Variants in NYAP1 observed in about 807,000 individuals in gnomAD.
The protein encoded by NYAP1 is neuronal tyrosine-phosphorylated phosphoinositide-3-kinase adapter 1.
In NYAP1, 20 loss-of-function variants were observed where a neutral mutation model predicts 58.6. The observed-to-expected ratio is 0.34, with a 90% CI of 0.24 to 0.50. The LOEUF (loss-of-function observed/expected upper bound fraction) is 0.50, where lower values mean the gene tolerates loss of function less well. Among genes scored for constraint, NYAP1 ranks in the 20% least tolerant of loss-of-function variants. The pLI is 0.98. For missense variants in NYAP1, 1,150 were observed against 1,194.5 expected, an observed-to-expected ratio of 0.96 and a Z score of 0.55; for synonymous variants, 572 against 523.1, an observed-to-expected ratio of 1.09 and a Z score of -1.27.
chr7:100,489,596 G>C lies in NYAP1; in HGVS notation c.1875G>C (p.Ala625=). The C allele has an allele frequency of 6.2e-7, 1 of 1,609,848 alleles. No homozygotes were observed. The highest frequency in any genetic ancestry group is 8.5e-7 in the Non-Finnish European group (1 of 1,178,474). ...PEEEEEEVGA[A]TFGAGWALQR... Reference sequence around the variant, plus strand: ...AGGAAGAAGAGGAGGTGGGCGCCGCGACATTTGGGGCAGGCTGGGCCCTGC... The same window carrying C: ...AGGAAGAAGAGGAGGTGGGCGCCGCCACATTTGGGGCAGGCTGGGCCCTGC... Residue 625 remains alanine (A), a synonymous_variant, in exon 4 of 7, where the codon GCG becomes GCC. Transcript: ENST00000300179.
rs559367716 is a variant in NYAP1, at chr7:100,486,917, C to T, written c.165C>T (p.Ser55=). ...RVRDIASLRR[S]LRMGFMTMPA... ...GGGACATCGCCTCGCTGCGGCGCTC[C>T]CTCAGGATGGGTTTCATGACGATGC... Residue 55 remains serine, a synonymous_variant, in exon 3 of 7, where the codon TCC becomes TCT. Transcript: ENST00000300179. This position sits in a 1 kb window ranked among gnomAD's most constrained non-coding sequence, Gnocchi z 6.2. 4.8e-5 allele frequency: 77 copies of T among 1,597,614 alleles called. No individual in the cohort carries two copies. In the African/African-American group the frequency reaches 8.4e-4, roughly 17 times the overall value.
In NYAP1 at chr7:100,490,795, C is replaced by T; in HGVS notation, c.2158+66C>T. 7.2e-7 allele frequency: 1 copy of T among 1,387,692 alleles called. No individual in the cohort carries two copies. The highest frequency in any genetic ancestry group is 1.5e-5 in the South Asian group (1 of 68,284). The allele number at this position is 1,387,692 out of a possible 1,614,324, so 86.0% of individuals were successfully genotyped here. On this transcript the variant is annotated intron_variant, in intron 5 of 6. Transcript: ENST00000300179. The surrounding 1 kb of genome is among the most constrained non-coding windows in gnomAD (Gnocchi z 4.6). The stretch of plus-strand genomic sequence containing the variant: ...TGGGGGATCTCCCGGGGTCTAGCTG[C>T]ACCTGTCCTGACTTCCTCTCACCTG...
Position 100,485,390 on chromosome 7 carries a change from A to C in NYAP1, c.68+11A>C. ...GGAGGCCAAGAGGAGGTAAGGCTGC[A>C]CCCCAGACTGCTCCCTTCCCTTCCG... On this transcript the variant is annotated intron_variant, in intron 2 of 6. Coordinates refer to ENST00000300179, the MANE Select transcript of NYAP1 (RefSeq NM_173564.4). The surrounding 1 kb of genome is among the most constrained non-coding windows in gnomAD (Gnocchi z 5.7). The C allele has an allele frequency of 6.3e-6, 10 of 1,588,276 alleles. No homozygotes were observed. In the South Asian group the frequency reaches 1.1e-4, roughly 18 times the overall value.
Position 100,486,412 on chromosome 7 carries a change from A to AG in NYAP1, c.69-405dup, listed in dbSNP as rs1233785134. 6.6e-6 allele frequency among the ~76,000 whole-genome samples: 1 copy of AG among 151,956 alleles called. No individual in the cohort carries two copies. The highest frequency in any genetic ancestry group is 1.5e-5 in the Non-Finnish European group (1 of 67,974). On this transcript the variant is annotated intron_variant, in intron 2 of 6. Coordinates refer to ENST00000300179, the MANE Select transcript of NYAP1 (RefSeq NM_173564.4). This position sits in a 1 kb window ranked among gnomAD's most constrained non-coding sequence, Gnocchi z 6.2. ...GCAGAGGTCACAGTGGCTGGGCAGG[A>AG]GGGGTAACCAGAGGCCAGGTGTGGG...
chr7:100,492,637 G>A (rs1045748475), intron 6 of NYAP1, among the ~76,000 whole-genome samples: 1 of 152,170 alleles, frequency 6.6e-6, no homozygotes. Context: ...GGTAGCTTAC[G>A]CCTATAATCC....
Position 100,493,706 on chromosome 7 carries a change from G to A in NYAP1, c.2329G>A (p.Gly777Arg), listed in dbSNP as rs1362943921. ...LPPQPARERD[G>R]KLLEVIERKR... ...GCCCCAGCCGGCCCGCGAGCGTGACGGGAAGCTGCTGGAGGTGATCGAGCG... is the reference window on the plus strand; with the variant it reads ...GCCCCAGCCGGCCCGCGAGCGTGACAGGAAGCTGCTGGAGGTGATCGAGCG... The change falls in exon 7 of 7, where the codon GGG (glycine) becomes AGG (arginine). Residue 777 changes from glycine (G) to arginine (R), a missense_variant. Coordinates refer to ENST00000300179, the MANE Select transcript of NYAP1 (RefSeq NM_173564.4). The A allele has an allele frequency of 1.3e-6, 2 of 1,598,264 alleles. No homozygotes were observed. Among genetic ancestry groups the A allele is most frequent in the Non-Finnish European group, 1.7e-6 (2 of 1,175,994 alleles).
In NYAP1 at chr7:100,488,498, C is replaced by T. The variant is rs769526948; in HGVS notation, c.777C>T (p.Ala259=). ...GADSDSEESE[A]IYEEMKYPLP... is the part of the protein sequence containing the mutation. ...ACTCGGACTCTGAAGAGAGTGAGGC[C>T]ATCTATGAAGAGATGAAGTACCCGC... Residue 259 remains alanine, a synonymous_variant, in exon 4 of 7, where the codon GCC becomes GCT. Coordinates refer to ENST00000300179, the MANE Select transcript of NYAP1 (RefSeq NM_173564.4). This position sits in a 1 kb window ranked among gnomAD's most constrained non-coding sequence, Gnocchi z 5.9. 2 of 1,612,322 alleles carry T rather than the reference C, an allele frequency of 1.2e-6. No homozygotes were observed. The highest frequency in any genetic ancestry group is 1.7e-6 in the Non-Finnish European group (2 of 1,179,822).
At position 100,485,457 on chromosome 7, in the gene NYAP1, G is replaced by A. The variant is rs1799691228; in HGVS notation, c.68+78G>A. 2 of 1,144,348 alleles carry A rather than the reference G, an allele frequency of 1.7e-6. No homozygotes were observed. The highest frequency in any genetic ancestry group is 4.4e-5 in the Admixed American group (2 of 45,768). The allele number at this position is 1,144,348 out of a possible 1,614,324, so 70.9% of individuals were successfully genotyped here. On this transcript the variant is annotated intron_variant, in intron 2 of 6. Coordinates refer to ENST00000300179, the MANE Select transcript of NYAP1 (RefSeq NM_173564.4). This position sits in a 1 kb window ranked among gnomAD's most constrained non-coding sequence, Gnocchi z 5.7. ...CTCACTGGGCCACAGCCCTTCTCGG[G>A]GGCCGGCAGCCTTGTCATGAGTGAG...
chr7:100,491,745 C>T (rs1306318640), intron 6 of NYAP1, among the ~76,000 whole-genome samples: 1 of 151,436 alleles, frequency 6.6e-6, no homozygotes, highest in Non-Finnish European at 1.5e-5. Flanking sequence ...AACCCTGTCT[C>T]TACTAGAAAT....
Position 100,490,446 on chromosome 7 carries a change from C to T in NYAP1, c.1946-71C>T. 7.2e-7 allele frequency: 1 copy of T among 1,383,414 alleles called. No individual in the cohort carries two copies. Among genetic ancestry groups the T allele is most frequent in the South Asian group, 1.2e-5 (1 of 80,562 alleles). 85.7% of individuals were successfully genotyped at this position (1,383,414 alleles called of 1,614,324 possible). A position where few individuals can be genotyped will look rare whatever the true frequency, so the allele number is the denominator to read the frequency against. ...GTCTCCTGGTCCACCCATACTGCAG[C>T]ATGTGTGGCCAGAGGGACAGAATGA... On this transcript the variant is annotated intron_variant, in intron 4 of 6. Transcript: ENST00000300179. This position sits in a 1 kb window ranked among gnomAD's most constrained non-coding sequence, Gnocchi z 4.6.
rs774341878 is a variant in NYAP1, at chr7:100,489,427, C to A, written c.1706C>A (p.Ala569Asp). ...KRPPAYESLKAGGVLNKGCGV... is the reference protein window; with the variant it reads ...KRPPAYESLKDGGVLNKGCGV... Reference sequence around the variant, plus strand: ...CCCCCTGCCTATGAGAGCCTCAAGGCTGGGGGGGTGCTGAATAAGGGCTGT... The same window carrying A: ...CCCCCTGCCTATGAGAGCCTCAAGGATGGGGGGGTGCTGAATAAGGGCTGT... The change falls in exon 4 of 7, where the codon GCT (alanine) becomes GAT (aspartate). Residue 569 changes from alanine to aspartate, a missense_variant. Transcript: ENST00000300179. 11 of 1,612,882 alleles carry A rather than the reference C, an allele frequency of 6.8e-6. No homozygotes were observed. Among genetic ancestry groups the A allele is most frequent in the South Asian group, 1.1e-5 (1 of 91,064 alleles).
Position 100,491,017 on chromosome 7 carries a change from C to G in NYAP1, c.2190C>G (p.Ser730=), listed in dbSNP as rs2897358. 0.19 allele frequency: 294,493 copies of G among 1,554,598 alleles called. 29,438 individuals carry two copies. Among genetic ancestry groups the G allele is most frequent in the African/African-American group, 0.26 (19,023 of 73,278 alleles). ...CGGGAGGCTACCGCCTGGGGCGCTC[C>G]GCCTCCACCTCCGGAGTCCGGCAGG... ...DFTGGYRLGR[S]ASTSGVRQVV... Residue 730 remains serine (S), a synonymous_variant, in exon 6 of 7, where the codon TCC becomes TCG. Transcript: ENST00000300179.
intron 4 of NYAP1, 86 bp downstream of exon 4, chr7:100,489,752 G>A: frequency 9.0e-7 from 1 of 1,115,488 alleles, no homozygotes. Context: ...AGGTGTTGGA[G>A]GGGTTATTTG....
At position 100,485,284 on chromosome 7, in the gene NYAP1, C is replaced by A. The variant is rs1304906353; in HGVS notation, c.-28C>A. ...GGGCCTGGTGGCACTGAGCAGGGCC[C>A]CCCAGCCCCCACCTCCTGCCCCACG... On this transcript the variant is annotated 5_prime_UTR_variant, in exon 2 of 7. Transcript: ENST00000300179. This position sits in a 1 kb window ranked among gnomAD's most constrained non-coding sequence, Gnocchi z 5.7. 8 of 1,537,694 alleles carry A rather than the reference C, an allele frequency of 5.2e-6. No individual in the cohort carries two copies. The highest frequency in any genetic ancestry group is 7.1e-6 in the Non-Finnish European group (8 of 1,127,088).
Position 100,494,274 on chromosome 7 carries a change from T to G in NYAP1, c.*371T>G. ...GGTGGGTGAGCTGAAAGAGAGGGACTAGAGTGCCAGATGGAGGAGCTCTTT... is the reference window on the plus strand; with the variant it reads ...GGTGGGTGAGCTGAAAGAGAGGGACGAGAGTGCCAGATGGAGGAGCTCTTT... On this transcript the variant is annotated 3_prime_UTR_variant, in exon 7 of 7. Coordinates refer to ENST00000300179, the MANE Select transcript of NYAP1 (RefSeq NM_173564.4). 3 of 205,808 alleles carry G rather than the reference T, an allele frequency of 1.5e-5. No homozygotes were observed. The highest frequency in any genetic ancestry group is 2.9e-5 in the Non-Finnish European group (3 of 103,958). The allele number at this position is 205,808 out of a possible 1,614,324, so 12.7% of individuals were successfully genotyped here. A position where few individuals can be genotyped will look rare whatever the true frequency, so the allele number is the denominator to read the frequency against.
rs1219338392 is a variant in NYAP1 at position 100,489,318 on chromosome 7, T to C, written c.1597T>C (p.Ser533Pro). The change falls in exon 4 of 7, where the codon TCC (serine) becomes CCC (proline). Residue 533 changes from serine to proline, a missense_variant. Ser to Pro is a moderately conservative substitution (Grantham distance 74). Transcript: ENST00000300179. ...CCTCCACCACCGCGGCTGCCTGGCC[T>C]CCCCCCACAGCCTTCCGGACCCAAC... ...GVLHHRGCLA[S>P]PHSLPDPTVG... 2 of 1,602,820 alleles carry C rather than the reference T, an allele frequency of 1.2e-6. No individual in the cohort carries two copies. Among genetic ancestry groups the C allele is most frequent in the Non-Finnish European group, 8.5e-7 (1 of 1,175,466 alleles).
chr7:100,485,210 A>T lies in NYAP1; in HGVS notation c.-84-18A>T. ...CCACCTTTCTTTTTTTTCCGTTCTCACCCACCCCGCCCGCCAGTGGATCCG... is the reference window on the plus strand; with the variant it reads ...CCACCTTTCTTTTTTTTCCGTTCTCTCCCACCCCGCCCGCCAGTGGATCCG... On this transcript the variant is annotated intron_variant, in intron 1 of 6. Transcript: ENST00000300179. This position sits in a 1 kb window ranked among gnomAD's most constrained non-coding sequence, Gnocchi z 5.7. 1.8e-6 allele frequency: 1 copy of T among 563,438 alleles called. No individual in the cohort carries two copies. The highest frequency in any genetic ancestry group is 3.2e-6 in the Non-Finnish European group (1 of 315,126). 34.9% of individuals were successfully genotyped at this position (563,438 alleles called of 1,614,324 possible). A position where few individuals can be genotyped will look rare whatever the true frequency, so the allele number is the denominator to read the frequency against.
Position 100,489,501 on chromosome 7 carries a change from G to A in NYAP1, c.1780G>A (p.Gly594Arg). 6.2e-7 allele frequency: 1 copy of A among 1,613,436 alleles called. No homozygotes were observed. Among genetic ancestry groups the A allele is most frequent in the Non-Finnish European group, 8.5e-7 (1 of 1,179,984 alleles). ...PMVKIQLQEQ[G>R]TDGGAFASIS... ...GGTCAAGATCCAGCTGCAGGAGCAA[G>A]GGACCGATGGGGGTGCTTTTGCCAG... Residue 594 changes from glycine to arginine, a missense_variant, in exon 4 of 7, where the codon GGG becomes AGG. By Grantham distance (125) the Gly-to-Arg change is moderately radical. Transcript: ENST00000300179.
In NYAP1 at chr7:100,485,095, G is replaced by A. The variant is rs1799686432; in HGVS notation, c.-84-133G>A. ...TCTGTGGGTCCTCGAAGCTGTGTTG[G>A]GTTTTCTGTCTGTGTTTTCCTCTCT... On this transcript the variant is annotated intron_variant, in intron 1 of 6. Transcript: ENST00000300179. This position sits in a 1 kb window ranked among gnomAD's most constrained non-coding sequence, Gnocchi z 5.7. 2 of 579,038 alleles carry A rather than the reference G, an allele frequency of 3.5e-6. No homozygotes were observed. The highest frequency in any genetic ancestry group is 6.2e-6 in the Non-Finnish European group (2 of 323,554). The allele number at this position is 579,038 out of a possible 1,614,324, so 35.9% of individuals were successfully genotyped here. A position where few individuals can be genotyped will look rare whatever the true frequency, so the allele number is the denominator to read the frequency against.
Sources: gnomAD v4.1 joint callset for allele counts (sites outside exome capture counted in the v4.1 genomes callset) on GRCh38, gnomAD v4.1.1 for gene constraint, Gnocchi (gnomAD v3.1) non-coding constraint, MANE v1.5 for transcripts, NCBI Gene and HGNC (gene_info 2026-07-23, HGNC 2026-07-21) for gene names.